The following MCTP2 variants were observed in gnomAD, a reference collection of about 807,000 sequenced individuals.
The protein encoded by MCTP2 is multiple C2 and transmembrane domain-containing protein 2.
A neutral mutation model predicts 111.6 loss-of-function variants in MCTP2; 132 were observed. The ratio of observed to expected loss-of-function variants is 1.18; its 90% CI spans 1.03 to 1.37. The LOEUF (loss-of-function observed/expected upper bound fraction) is 1.37. MCTP2 is among the 40% of genes most tolerant of loss of function. The pLI is 0.00. For synonymous variants in MCTP2, 395 were observed against 387.7 expected, an observed-to-expected ratio of 1.02 and a Z score of -0.22; for missense variants, 1,183 against 1,067.9, an observed-to-expected ratio of 1.11 and a Z score of -1.50.
At chr15:94,372,797 C>G (rs1444793062) in intron 12 of MCTP2, among the ~76,000 whole-genome samples, 1 of 151,930 alleles carries the variant, frequency 6.6e-6, no homozygotes, top group Non-Finnish European at 1.5e-5. Context: ...AGCATTTACT[C>G]CGGATAACCA....
intron 17 of MCTP2, chr15:94,402,753 T>C (rs2081665038): frequency 7.0e-7 from 1 of 1,428,760 alleles, no homozygotes; most frequent in Non-Finnish European, 9.1e-7. Flanking sequence ...GGAGGAGAAA[T>C]CAAGTCTCCC....
chr15:94,297,901 A>G (rs2075348002), intron 1 of MCTP2, among the ~76,000 whole-genome samples: 4 of 152,136 alleles, frequency 2.6e-5, no homozygotes, highest in Admixed American at 2.6e-4. Context: ...CTGGGAAGGA[A>G]ATAAGACAGT....
At chr15:94,384,732 C>T (rs1221156612) in intron 13 of MCTP2, among the ~76,000 whole-genome samples, 1 of 152,182 alleles carries the variant, frequency 6.6e-6, no homozygotes, top group African/African-American at 2.4e-5. Flanking sequence ...AATGCTCTGT[C>T]TGTGCTTATA....
At chr15:94,336,126 C>T (rs114077395) in intron 4 of MCTP2, among the ~76,000 whole-genome samples, 59 of 152,292 alleles carry the variant, frequency 3.9e-4, no homozygotes, top group African/African-American at 1.4e-3. Flanking sequence ...TATGTTCTTC[C>T]CTTAATCTCT....
At position 94,464,263 on chromosome 15, in the gene MCTP2, ATATAT is replaced by A. The variant is rs2085441840; in HGVS notation, c.2360+6018_2360+6022del. ...TAATATATATATATATATATTATAT[ATATAT>A]ATATATATATAAACGTCAGCCATTC... On this transcript the variant is annotated intron_variant, in intron 20 of 22. Transcript: ENST00000357742. Among the ~76,000 whole-genome samples the A allele has an allele frequency of 1.7e-5, 2 of 119,174 alleles. 1 individual carries two copies. Among genetic ancestry groups the A allele is most frequent in the Non-Finnish European group, 3.5e-5 (2 of 56,542 alleles). The allele number at this position is 119,174 out of a possible 152,430, so 78.2% of individuals were successfully genotyped here.
At chr15:94,310,162 A>G (rs1226809084) in intron 2 of MCTP2, among the ~76,000 whole-genome samples, 1 of 152,222 alleles carries the variant, frequency 6.6e-6, no homozygotes, top group Non-Finnish European at 1.5e-5. Flanking sequence ...GCAGATGACA[A>G]CCTTTACGGA....
At chr15:94,369,118 A>G (rs2079353703) in intron 11 of MCTP2, among the ~76,000 whole-genome samples, 1 of 152,200 alleles carries the variant, frequency 6.6e-6, no homozygotes, top group Non-Finnish European at 1.5e-5. Context: ...TAGTTTAAAA[A>G]CTAATTGTTT....
In MCTP2 at chr15:94,403,148, G is replaced by A. The variant is rs1053619439; in HGVS notation, c.2085+1129G>A. 28 of 986,072 alleles carry A rather than the reference G, an allele frequency of 2.8e-5. No individual in the cohort carries two copies. In the South Asian group the frequency reaches 5.6e-4, roughly 20 times the overall value. 61.1% of individuals were successfully genotyped at this position (986,072 alleles called of 1,614,324 possible). ...GTTTATTTTAGTTCTCCACTGCTTC[G>A]GTGTAGAGGACCTATGCTGCCTGTA... On this transcript the variant is annotated intron_variant, in intron 17 of 22. Transcript: ENST00000357742.
chr15:94,283,842 A>G (rs1224970248), intron 1 of MCTP2, among the ~76,000 whole-genome samples: 1 of 152,048 alleles, frequency 6.6e-6, no homozygotes, highest in African/African-American at 2.4e-5. Flanking sequence ...ACATATTCCA[A>G]CCCCAAAACA....
At chr15:94,267,179 GGTTTCTGTCACCTCTTCAAAA>G (rs1255585770) in intron 1 of MCTP2, among the ~76,000 whole-genome samples, 2 of 152,132 alleles carry the variant, frequency 1.3e-5, no homozygotes, top group Non-Finnish European at 2.9e-5. Context: ...TAATGTAGGT[GGTTTCTGTCACCTCTTCAAAA>G]GTTTCCCTGT....
chr15:94,298,107 T>C (rs1479903664), intron 1 of MCTP2, 94 bp from the exon 2 acceptor site: 2 of 520,266 alleles, frequency 3.8e-6, no homozygotes, highest in African/African-American at 3.9e-5. Context: ...TTTTGAGTCG[T>C]GTTTCTCACT....
chr15:94,322,081 G>T (rs2076655140), intron 4 of MCTP2, among the ~76,000 whole-genome samples: 1 of 152,172 alleles, frequency 6.6e-6, no homozygotes, highest in Non-Finnish European at 1.5e-5. Context: ...GTGAACCCTT[G>T]CAGTTGTTCA....
chr15:94,381,063 T>A (rs2152452393), intron 12 of MCTP2, among the ~76,000 whole-genome samples: 1 of 152,304 alleles, frequency 6.6e-6, no homozygotes, highest in Admixed American at 6.5e-5. Flanking sequence ...TCCTGTGAAA[T>A]GGGTGGTACA....
chr15:94,406,091 C>T (rs540697062), intron 17 of MCTP2, among the ~76,000 whole-genome samples: 46 of 152,274 alleles, frequency 3.0e-4, no homozygotes, highest in African/African-American at 1.0e-3. Flanking sequence ...TATACATACA[C>T]AAGACGTGTA....
At position 94,314,262 on chromosome 15, in the gene MCTP2, T is replaced by C. The variant is rs758212340; in HGVS notation, c.466-20T>C. 6.3e-7 allele frequency: 1 copy of C among 1,592,866 alleles called. No individual in the cohort carries two copies. The highest frequency in any genetic ancestry group is 2.2e-5 in the East Asian group (1 of 44,720). On this transcript the variant is annotated intron_variant, in intron 2 of 22. Coordinates refer to ENST00000357742, the MANE Select transcript of MCTP2 (RefSeq NM_001385001.1). The stretch of plus-strand genomic sequence containing the variant: ...TAATTTGCTTTTGTAAAGCAGATTT[T>C]TTTTTCTTTTTCTTTGCAGAAGCTA...
intron 2 of MCTP2, among the ~76,000 whole-genome samples, chr15:94,303,135 A>C (rs947309201): frequency 6.8e-6 from 1 of 146,568 alleles, no homozygotes; most frequent in Non-Finnish European, 1.5e-5. Flanking sequence ...TATAGTTTAT[A>C]TATATATATA....
chr15:94,277,558 A>G (rs1208636754), intron 1 of MCTP2, among the ~76,000 whole-genome samples: 1 of 152,188 alleles, frequency 6.6e-6, no homozygotes, highest in Non-Finnish European at 1.5e-5. Context: ...TGAGTGAAGT[A>G]AGTTAGTCTG....
intron 1 of MCTP2, among the ~76,000 whole-genome samples, chr15:94,243,228 C>T (rs192365036): frequency 2.0e-5 from 3 of 147,826 alleles, no homozygotes; most frequent in East Asian, 2.1e-4. Flanking sequence ...CATACGTATG[C>T]GTACATACAC....
chr15:94,380,487 G>T (rs2152451652), intron 12 of MCTP2, among the ~76,000 whole-genome samples: 1 of 152,280 alleles, frequency 6.6e-6, no homozygotes, highest in Middle Eastern at 3.4e-3. Flanking sequence ...TATCAAATGG[G>T]CTGGGCATGG....
Sources: allele counts gnomAD v4.1 joint callset (sites outside exome capture counted in the v4.1 genomes callset), GRCh38; gene constraint gnomAD v4.1.1; transcripts MANE v1.5; gene names NCBI Gene and HGNC (gene_info 2026-07-23, HGNC 2026-07-21).